SF1: variants seen among roughly 807,000 people sequenced by gnomAD.
SF1 encodes the protein splicing factor 1.
Under a neutral mutation model 62.5 loss-of-function variants are expected in SF1, and 7 were observed. The observed-to-expected ratio is 0.11, with a 90% CI of 0.06 to 0.21. The LOEUF (loss-of-function observed/expected upper bound fraction) is 0.21, where lower values mean the gene tolerates loss of function less well. Among genes scored for constraint, SF1 ranks in the 10% least tolerant of loss-of-function variants. The probability of loss-of-function intolerance (pLI) is 1.00; values close to 1 mark genes in which losing one functional copy is unlikely to be tolerated. For synonymous variants in SF1, 394 were observed against 323.6 expected, an observed-to-expected ratio of 1.22 and a Z score of -2.33; for missense variants, 578 against 884.0, an observed-to-expected ratio of 0.65 and a Z score of 4.39.
Position 64,765,844 on chromosome 11 carries a change from G to C in SF1, c.1894C>G (p.Pro632Ala), listed in dbSNP as rs998794831. The C allele has an allele frequency of 2.6e-6, 4 of 1,554,850 alleles. No individual in the cohort carries two copies. The highest frequency in any genetic ancestry group is 1.4e-5 in the African/African-American group (1 of 73,500). Residue 632 changes from proline (P) to alanine (A), a missense_variant, in exon 13 of 13, where the codon CCC becomes GCC. Physicochemically the swap from Pro to Ala is conservative, Grantham distance 27. Coordinates refer to ENST00000377390, the MANE Select transcript of SF1 (RefSeq NM_004630.4). ...GMPPFGMPPA[P>A]PPPPPQN ...TAGTTCTGTGGTGGAGGCGGTGGGG[G>C]AGCTGGAGGCATCCCGAAGGGCGGC...
chr11:64,776,778 CTCAGAGA>C, intron 1 of SF1, 152 bp from the exon 2 acceptor site: 3 of 704,824 alleles, frequency 4.3e-6, no homozygotes, highest in Non-Finnish European at 6.8e-6. Flanking sequence ...GAAAACAAAC[CTCAGAGA>C]TCAGAGATTT....
chr11:64,778,286 G>T, intron 1 of SF1, 76 bp downstream of exon 1: 2 of 1,217,540 alleles, frequency 1.6e-6, no homozygotes, highest in Admixed American at 8.7e-5. Context: ...CCCAGGCCCG[G>T]GTGCAGGCGG....
At chr11:64,778,001 G>A in intron 1 of SF1, 2 of 999,674 alleles carry the variant, frequency 2.0e-6, no homozygotes. Flanking sequence ...TCCGCCGCCG[G>A]CCGGGCCCGG....
intron 1 of SF1, 37 bp from the exon 2 acceptor site, chr11:64,776,663 C>A (rs474707): frequency 3.1e-6 from 5 of 1,599,692 alleles, no homozygotes; most frequent in Non-Finnish European, 4.3e-6. Context: ...GATGTAAATA[C>A]AAGTAGTTAT....
rs762105033 is a variant in SF1 at position 64,776,434 on chromosome 11, A to C, written c.160+64T>G. Reference sequence around the variant, plus strand: ...ACAATCTCAAACTTTCAAAAAATGCAGATCTTGCTCAGAATAAATCGTAAC... The same window carrying C: ...ACAATCTCAAACTTTCAAAAAATGCCGATCTTGCTCAGAATAAATCGTAAC... On this transcript the variant is annotated intron_variant, in intron 2 of 12. Coordinates refer to ENST00000377390, the MANE Select transcript of SF1 (RefSeq NM_004630.4). 43 of 1,526,994 alleles carry C rather than the reference A, an allele frequency of 2.8e-5. No homozygotes were observed. The South Asian group carries it at 4.4e-4, about 16-fold the overall frequency. The allele number at this position is 1,526,994 out of a possible 1,614,324, so 94.6% of individuals were successfully genotyped here.
chr11:64,766,869 C>G, intron 12 of SF1, 31 bp downstream of exon 12: 1 of 1,173,010 alleles, frequency 8.5e-7, no homozygotes, highest in Non-Finnish European at 1.2e-6. Flanking sequence ...CCATCCCACC[C>G]ACCCCCACAA....
At chr11:64,776,308 G>C in intron 2 of SF1, 190 bp downstream of exon 2, 1 of 597,102 alleles carries the variant, frequency 1.7e-6, no homozygotes, top group South Asian at 1.8e-5. Flanking sequence ...CTGCAGTTAC[G>C]AACAGACCAA....
chr11:64,778,191 G>C (rs1939714836), intron 1 of SF1, 171 bp downstream of exon 1: 1 of 1,040,916 alleles, frequency 9.6e-7, no homozygotes, highest in Non-Finnish European at 1.2e-6. Flanking sequence ...GGCGGAGGCA[G>C]CGCCGCGAAG....
chr11:64,769,384 A>G, intron 6 of SF1, 42 bp downstream of exon 6: 2 of 1,613,618 alleles, frequency 1.2e-6, no homozygotes, highest in Non-Finnish European at 1.7e-6. Context: ...GCCTCCACCT[A>G]GGTTTCTGCT....
chr11:64,778,415 G>A lies in SF1; in HGVS notation c.-23C>T, dbSNP rs771253934. 6.5e-6 allele frequency: 8 copies of A among 1,226,298 alleles called. No homozygotes were observed. Among genetic ancestry groups the A allele is most frequent in the South Asian group, 8.1e-5 (2 of 24,690 alleles). The allele number at this position is 1,226,298 out of a possible 1,614,324, so 76.0% of individuals were successfully genotyped here. On this transcript the variant is annotated 5_prime_UTR_variant, in exon 1 of 13. Transcript: ENST00000377390. The stretch of plus-strand genomic sequence containing the variant: ...CATGGCGCCCCCGGGGACAGGCACC[G>A]GCACCTGCTTTTCCTCTGCGGCGGC...
chr11:64,764,992 C>T lies in SF1; in HGVS notation c.*826G>A, dbSNP rs1467970822. ...GCTGCCCACCCACTGCTGGCAGGAT[C>T]GCCAGGACGGATGGGAATCCCGAAA... On this transcript the variant is annotated 3_prime_UTR_variant, in exon 13 of 13. Transcript: ENST00000377390. The T allele has an allele frequency of 6.5e-6, 1 of 152,742 alleles. No homozygotes were observed. The highest frequency in any genetic ancestry group is 2.4e-5 in the African/African-American group (1 of 41,470). The allele number at this position is 152,742 out of a possible 1,614,324, so 9.5% of individuals were successfully genotyped here.
rs1322661394 is a variant in SF1 at position 64,769,204 on chromosome 11, C to CT, written c.779+18dup. On this transcript the variant is annotated intron_variant, in intron 7 of 12. Coordinates refer to ENST00000377390, the MANE Select transcript of SF1 (RefSeq NM_004630.4). Reference sequence around the variant, plus strand: ...AGGTTCTTCAGGTCTCTACACTCTCCTTTAAACTGATCACATACCTGTTAT... The same window carrying CT: ...AGGTTCTTCAGGTCTCTACACTCTCCTTTTAAACTGATCACATACCTGTTAT... 1 of 1,612,766 alleles carries CT rather than the reference C, an allele frequency of 6.2e-7. No individual in the cohort carries two copies. The highest frequency in any genetic ancestry group is 1.3e-5 in the African/African-American group (1 of 74,998).
chr11:64,768,727 T>C (rs1937778926), intron 8 of SF1, among the ~76,000 whole-genome samples: 1 of 152,208 alleles, frequency 6.6e-6, no homozygotes, highest in Non-Finnish European at 1.5e-5. Flanking sequence ...TCTGTAGAGA[T>C]TGCTTAGTCT....
chr11:64,770,508 T>A, intron 3 of SF1, 100 bp from the exon 4 acceptor site: 1 of 1,300,854 alleles, frequency 7.7e-7, no homozygotes, highest in Non-Finnish European at 1.1e-6. Flanking sequence ...TCTCAGACCC[T>A]AATACAACAC....
chr11:64,771,434 A>C, intron 3 of SF1: 1 of 984,554 alleles, frequency 1.0e-6, no homozygotes, highest in Non-Finnish European at 1.2e-6. Context: ...TATTAAAAAA[A>C]CATACTGAAA....
At chr11:64,766,187 C>T (rs760349030) in intron 12 of SF1, 32 bp from the exon 13 acceptor site, 13 of 1,583,044 alleles carry the variant, frequency 8.2e-6, no homozygotes, top group Non-Finnish European at 1.0e-5. Context: ...AGGTCACACG[C>T]GCGGGGGCAC....
rs752081161 is a variant in SF1 at position 64,767,231 on chromosome 11, G to A, written c.1363C>T (p.Pro455Ser). The A allele has an allele frequency of 4.3e-6, 7 of 1,614,098 alleles. No individual in the cohort carries two copies. The highest frequency in any genetic ancestry group is 5.9e-6 in the Non-Finnish European group (7 of 1,179,958). The change falls in exon 11 of 13, where the codon CCT (proline) becomes TCT (serine). Residue 455 changes from proline to serine, a missense_variant. Physicochemically the swap from Pro to Ser is moderately conservative, Grantham distance 74. This residue lies in a region of SF1 where 410 missense variants were observed against 452.4 expected (regional missense o/e 0.91). Transcript: ENST00000377390. The part of the protein sequence containing the change: ...PPMDQYLGST[P>S]VGSGVYRLHQ... ...AGGCGATAGACCCCAGAGCCCACAG[G>A]CGTACTTCCCAGGTACTGATCTTGA... is the stretch of plus-strand genomic sequence containing the variant.
In SF1 at chr11:64,767,709, G is replaced by A; in HGVS notation, c.1204C>T (p.Pro402Ser). 2 of 1,612,752 alleles carry A rather than the reference G, an allele frequency of 1.2e-6. No homozygotes were observed. Among genetic ancestry groups the A allele is most frequent in the Non-Finnish European group, 1.7e-6 (2 of 1,179,350 alleles). Residue 402 changes from proline (P) to serine (S), a missense_variant, in exon 10 of 13, where the codon CCC becomes TCC. Physicochemically the swap from Pro to Ser is moderately conservative, Grantham distance 74. Transcript: ENST00000377390. ...CCACCATGCCCACCTGTCAGGCTGG[G>A]TAATGGGTGTGGGAAGCTGTGGGGG... ...GGPHSFPHPL[P>S]SLTGGHGGHP...
At position 64,767,849 on chromosome 11, in the gene SF1, G is replaced by A. The variant is rs753699002; in HGVS notation, c.1069-5C>T. 15 of 1,605,868 alleles carry A rather than the reference G, an allele frequency of 9.3e-6. No individual in the cohort carries two copies. The highest frequency in any genetic ancestry group is 2.2e-5 in the South Asian group (2 of 90,000). On this transcript the variant is annotated splice_polypyrimidine_tract_variant and splice_region_variant and intron_variant, in intron 9 of 12. Transcript: ENST00000377390. ...CTGGGTGGTAGACATGAGAGACTAC[G>A]TGAGAGCATTTCCTGCCAACGTCCC...
Sources: gnomAD v4.1 joint callset for allele counts (sites outside exome capture counted in the v4.1 genomes callset) on GRCh38, gnomAD v4.1.1 for gene constraint, gnomAD v4.1.1 regional missense constraint, MANE v1.5 for transcripts, NCBI Gene and HGNC (gene_info 2026-07-23, HGNC 2026-07-21) for gene names.